ATP8B4: variants seen among roughly 807,000 people sequenced by gnomAD.
ATP8B4 encodes ATPase phospholipid transporting 8B4 (putative), also known as probable phospholipid-transporting ATPase IM.
A neutral mutation model predicts 145.6 loss-of-function variants in ATP8B4; 133 were observed. That is an observed-to-expected ratio of 0.91 (90% CI 0.79 to 1.05). The LOEUF (loss-of-function observed/expected upper bound fraction) is 1.05, where lower values mean the gene tolerates loss of function less well. ATP8B4 is among the 50% of genes least tolerant of loss of function. ATP8B4 has a pLI of 0.00. For missense variants in ATP8B4, 1,458 were observed against 1,425.2 expected (o/e 1.02, Z -0.37); for synonymous variants, 507 against 492.9 (o/e 1.03, Z -0.38).
At chr15:49,902,542 T>C (rs538553372) in intron 20 of ATP8B4, among the ~76,000 whole-genome samples, 16 of 152,326 alleles carry the variant, frequency 1.1e-4, no homozygotes, top group African/African-American at 3.4e-4. Flanking sequence ...GGTCACATGG[T>C]TCCAAGAATC....
rs2034395350 is a variant in ATP8B4 at position 49,876,218 on chromosome 15, C to A, written c.3027+60G>T. The A allele has an allele frequency of 2.6e-6, 4 of 1,564,220 alleles. No individual in the cohort carries two copies. The South Asian group carries it at 4.8e-5, about 19-fold the overall frequency. Reference sequence around the variant, plus strand: ...CCAACAAGTAGACAAAATCAATCAACAATGAAATAGTAAAAGTTGTAAACC... The same window carrying A: ...CCAACAAGTAGACAAAATCAATCAAAAATGAAATAGTAAAAGTTGTAAACC... On this transcript the variant is annotated intron_variant, in intron 25 of 27. Transcript: ENST00000284509.
At chr15:50,089,506 A>G (rs1353414318) in intron 2 of ATP8B4, among the ~76,000 whole-genome samples, 4 of 151,754 alleles carry the variant, frequency 2.6e-5, no homozygotes, top group Non-Finnish European at 5.9e-5. Flanking sequence ...TATGTGGGCA[A>G]CAAACATGAA....
In ATP8B4 at chr15:49,934,021, G is replaced by A. The variant is rs748841495; in HGVS notation, c.1449C>T (p.Ser483=). The change falls in exon 15 of 28, where the codon AGC becomes AGT. Residue 483 remains serine, a synonymous_variant. Transcript: ENST00000284509. ...CAGACATAACTTTTCACTTACCTGC[G>A]CTATTCTCTTCTGACATTACAGTGT... ...LCHTVMSEEN[S]AGELIYQVQS... is the part of the protein sequence containing the mutation. 3.1e-6 allele frequency: 5 copies of A among 1,598,474 alleles called. No individual in the cohort carries two copies. The highest frequency in any genetic ancestry group is 1.1e-5 in the South Asian group (1 of 88,056).
intron 5 of ATP8B4, among the ~76,000 whole-genome samples, chr15:50,040,475 G>A (rs574319420): frequency 6.6e-6 from 1 of 152,300 alleles, no homozygotes; most frequent in Admixed American, 6.5e-5. Flanking sequence ...GATAACCTCT[G>A]TGTTTTGCCA....
At chr15:50,164,668 G>A (rs573691236) in intron 1 of ATP8B4, among the ~76,000 whole-genome samples, 6 of 152,324 alleles carry the variant, frequency 3.9e-5, no homozygotes, top group African/African-American at 7.2e-5. Flanking sequence ...ACAGTACCAG[G>A]ACTTGTCCAG....
At chr15:50,176,719 A>T (rs889020425) in intron 1 of ATP8B4, among the ~76,000 whole-genome samples, 1 of 152,180 alleles carries the variant, frequency 6.6e-6, no homozygotes, top group Non-Finnish European at 1.5e-5. Flanking sequence ...TGATGATTTC[A>T]TCAGGAGTTT....
intron 20 of ATP8B4, among the ~76,000 whole-genome samples, chr15:49,909,982 G>A (rs935224520): frequency 6.6e-6 from 1 of 152,042 alleles, no homozygotes; most frequent in Non-Finnish European, 1.5e-5. Flanking sequence ...TAATTCTCCA[G>A]TAACAGATTC....
At chr15:50,119,369 A>G (rs1052950038), upstream of ATP8B4, 7 of 152,266 alleles carry the variant, frequency 4.6e-5, no homozygotes, top group Admixed American at 1.3e-4. Context: ...CAGAATCAGC[A>G]TCTCATCAGA....
Position 49,860,154 on chromosome 15 carries a change from GAAGTGAAAAGATA to G in ATP8B4, c.*27_*39del. ...AGCCAGCAGAATTTCAGCTCCACCT[GAAGTGAAAAGATA>G]ACTACGTGGTTTAAATTCATATTGA... On this transcript the variant is annotated 3_prime_UTR_variant, in exon 28 of 28. Coordinates refer to ENST00000284509, the MANE Select transcript of ATP8B4 (RefSeq NM_024837.4). 6.4e-7 allele frequency: 1 copy of G among 1,559,306 alleles called. No homozygotes were observed. The highest frequency in any genetic ancestry group is 8.7e-7 in the Non-Finnish European group (1 of 1,152,320).
At chr15:50,029,736 C>T (rs2050295654) in intron 6 of ATP8B4, among the ~76,000 whole-genome samples, 1 of 152,070 alleles carries the variant, frequency 6.6e-6, no homozygotes, top group Non-Finnish European at 1.5e-5. Flanking sequence ...GAGGAGGAAG[C>T]AAAGATGAAG....
At chr15:49,936,575 G>A (rs1373021996) in intron 14 of ATP8B4, among the ~76,000 whole-genome samples, 1 of 152,022 alleles carries the variant, frequency 6.6e-6, no homozygotes, top group African/African-American at 2.4e-5. Flanking sequence ...AAAGCTTTAA[G>A]TTCCTCTCTT....
chr15:49,987,447 A>G lies in ATP8B4; in HGVS notation c.692T>C (p.Leu231Pro). 1 of 1,613,944 alleles carries G rather than the reference A, an allele frequency of 6.2e-7. No individual in the cohort carries two copies. Among genetic ancestry groups the G allele is most frequent in the Non-Finnish European group, 8.5e-7 (1 of 1,179,830 alleles). The change falls in exon 10 of 28, where the codon CTG becomes CCG. Residue 231 changes from leucine (L) to proline (P), a missense_variant. Transcript: ENST00000284509. ...GGTATTTCTCAGGATGCAGCCTCTC[A>G]GGATTATCTTCTCATTGTTGAGGGA... is the stretch of plus-strand genomic sequence containing the variant. The part of the protein sequence containing the change: ...KHSLNNEKII[L>P]RGCILRNTSW...
chr15:49,992,502 T>C (rs1483404190), intron 9 of ATP8B4, among the ~76,000 whole-genome samples: 1 of 152,108 alleles, frequency 6.6e-6, no homozygotes, highest in Non-Finnish European at 1.5e-5. Context: ...TCTTTGAATA[T>C]AGATGCAAAA....
intron 25 of ATP8B4, among the ~76,000 whole-genome samples, chr15:49,871,200 T>C (rs976344110): frequency 6.6e-5 from 10 of 152,266 alleles, no homozygotes; most frequent in African/African-American, 2.2e-4. Context: ...TAATAGTACT[T>C]ACATTTCATA....
chr15:49,942,328 G>A (rs2042223957), intron 14 of ATP8B4, among the ~76,000 whole-genome samples: 1 of 151,950 alleles, frequency 6.6e-6, no homozygotes, highest in Non-Finnish European at 1.5e-5. Flanking sequence ...AGAAAACTGT[G>A]ACCAAACATT....
intron 8 of ATP8B4, among the ~76,000 whole-genome samples, chr15:49,998,645 T>C (rs1328960637): frequency 6.6e-6 from 1 of 152,230 alleles, no homozygotes; most frequent in Non-Finnish European, 1.5e-5. Context: ...TATTAGCCCT[T>C]TGTCAGATGA....
intron 6 of ATP8B4, among the ~76,000 whole-genome samples, chr15:50,036,648 T>A (rs1298295998): frequency 6.6e-6 from 1 of 152,182 alleles, no homozygotes; most frequent in Non-Finnish European, 1.5e-5. Flanking sequence ...GACAAGCCCG[T>A]CTTGTAGGTT....
chr15:49,913,988 A>G (rs2039487874), intron 20 of ATP8B4, among the ~76,000 whole-genome samples: 1 of 152,172 alleles, frequency 6.6e-6, no homozygotes. Flanking sequence ...CCTAACATTC[A>G]TATGGAACCA....
chr15:50,123,599 C>T (rs896195037), upstream of ATP8B4, among the ~76,000 whole-genome samples: 1 of 152,114 alleles, frequency 6.6e-6, no homozygotes, highest in African/African-American at 2.4e-5. Context: ...ACAAAATTAT[C>T]CTTAAAAACC....
Sources: allele counts gnomAD v4.1 joint callset (sites outside exome capture counted in the v4.1 genomes callset), GRCh38; gene constraint gnomAD v4.1.1; transcripts MANE v1.5; gene names NCBI Gene and HGNC (gene_info 2026-07-23, HGNC 2026-07-21).